Variants in LRMDA observed in about 807,000 individuals in gnomAD.
The protein encoded by LRMDA is leucine-rich melanocyte differentiation-associated protein.
A neutral mutation model predicts 29.8 loss-of-function variants in LRMDA; 18 were observed. That is an observed-to-expected ratio of 0.60 (90% CI 0.42 to 0.90). The LOEUF is 0.90. Among genes scored for constraint, LRMDA ranks in the 40% least tolerant of loss-of-function variants. The probability of loss-of-function intolerance (pLI) is 0.00; values close to 1 mark genes in which losing one functional copy is unlikely to be tolerated. For missense variants in LRMDA, 273 were observed against 273.9 expected, an observed-to-expected ratio of 1.00 and a Z score of 0.02; for synonymous variants, 125 against 109.4, an observed-to-expected ratio of 1.14 and a Z score of -0.89.
chr10:76,106,185 A>C (rs61331902), intron 5 of LRMDA, among the ~76,000 whole-genome samples: 8,695 of 152,274 alleles, frequency 0.057, 654 homozygotes, highest in African/African-American at 0.16. Flanking sequence ...CCTCCATTTG[A>C]AATAATTCTT....
intron 2 of LRMDA, among the ~76,000 whole-genome samples, chr10:75,500,117 T>C (rs780363625): frequency 6.6e-6 from 1 of 152,146 alleles, no homozygotes; most frequent in Non-Finnish European, 1.5e-5. Flanking sequence ...AGCCCCACAC[T>C]GAGCTGCTTC....
At chr10:76,169,821 C>T (rs1022226193) in intron 5 of LRMDA, among the ~76,000 whole-genome samples, 12 of 152,194 alleles carry the variant, frequency 7.9e-5, no homozygotes, top group African/African-American at 2.7e-4. Context: ...TAGACTCCAA[C>T]ACATTGGGTG....
At chr10:75,745,842 G>T (rs192342877) in intron 2 of LRMDA, among the ~76,000 whole-genome samples, 160 of 152,296 alleles carry the variant, frequency 1.1e-3, no homozygotes, top group African/African-American at 3.4e-3. Flanking sequence ...GACCTTGACA[G>T]TCAAAACACT....
intron 5 of LRMDA, among the ~76,000 whole-genome samples, chr10:76,278,126 G>T (rs946546786): frequency 6.6e-6 from 1 of 152,178 alleles, no homozygotes; most frequent in African/African-American, 2.4e-5. Context: ...GGATTTTGCA[G>T]ATTCCCTGTA....
At chr10:76,425,575 T>A (rs972390461) in intron 6 of LRMDA, among the ~76,000 whole-genome samples, 15 of 151,176 alleles carry the variant, frequency 9.9e-5, no homozygotes, top group African/African-American at 2.9e-4. Context: ...TAATAATAAT[T>A]ATTATTTTAT....
At chr10:75,636,739 T>C (rs1378251398) in intron 2 of LRMDA, among the ~76,000 whole-genome samples, 1 of 152,230 alleles carries the variant, frequency 6.6e-6, no homozygotes, top group Non-Finnish European at 1.5e-5. Flanking sequence ...ATGAACAGCC[T>C]TCATTCCACC....
intron 2 of LRMDA, among the ~76,000 whole-genome samples, chr10:75,722,921 C>T (rs905011031): frequency 6.6e-6 from 1 of 152,134 alleles, no homozygotes; most frequent in Non-Finnish European, 1.5e-5. Flanking sequence ...CAACTTTGGT[C>T]ATATAAATAC....
intron 2 of LRMDA, among the ~76,000 whole-genome samples, chr10:75,697,585 A>G (rs1039372750): frequency 2.6e-5 from 4 of 150,980 alleles, no homozygotes; most frequent in African/African-American, 9.8e-5. Context: ...GGATTTTGGC[A>G]TTTGATTCTT....
At chr10:75,808,154 C>T (rs1843891039) in intron 2 of LRMDA, among the ~76,000 whole-genome samples, 2 of 152,096 alleles carry the variant, frequency 1.3e-5, no homozygotes, top group Admixed American at 6.5e-5. Flanking sequence ...GTGGGAGAGC[C>T]GCAGATGAGA....
At chr10:76,103,111 C>T (rs1347474266) in intron 5 of LRMDA, among the ~76,000 whole-genome samples, 1 of 152,288 alleles carries the variant, frequency 6.6e-6, no homozygotes, top group Admixed American at 6.5e-5. Flanking sequence ...TCCCAGAGGG[C>T]CCTAACTTTT....
chr10:75,897,044 ATC>A (rs1845595721), intron 2 of LRMDA, among the ~76,000 whole-genome samples: 1 of 152,134 alleles, frequency 6.6e-6, no homozygotes, highest in East Asian at 1.9e-4. Context: ...CTGGTTATAA[ATC>A]TCTGAAATTA....
rs1852505348 is a variant in LRMDA at position 76,252,580 on chromosome 10, T to C, written c.517-71821T>C. Among the ~76,000 whole-genome samples the C allele has an allele frequency of 1.3e-5, 2 of 152,218 alleles. 1 individual carries two copies. The highest frequency in any genetic ancestry group is 4.1e-4 in the South Asian group (2 of 4,836). ...GCAAGTGAAATAAGACATAGTTCTT[T>C]TGGACTTGGTCAGAGGCCAGGTTTT... On this transcript the variant is annotated intron_variant, in intron 5 of 6. Transcript: ENST00000611255.
At chr10:75,474,573 G>A (rs1196587228) in intron 2 of LRMDA, among the ~76,000 whole-genome samples, 2 of 152,220 alleles carry the variant, frequency 1.3e-5, no homozygotes, top group Admixed American at 1.3e-4. Flanking sequence ...CAGGGAAGGT[G>A]GGACGCAAAC....
At chr10:76,237,785 CTT>C (rs33976322) in intron 5 of LRMDA, among the ~76,000 whole-genome samples, 6 of 84,110 alleles carry the variant, frequency 7.1e-5, no homozygotes, top group Admixed American at 1.5e-4. Context: ...GACAAGAGTG[CTT>C]TTTTTTTTTT....
At chr10:75,576,087 C>T (rs1470131546) in intron 2 of LRMDA, among the ~76,000 whole-genome samples, 1 of 152,126 alleles carries the variant, frequency 6.6e-6, no homozygotes, top group Non-Finnish European at 1.5e-5. Flanking sequence ...GGTCCCACCC[C>T]CATGAAAGCC....
At chr10:76,038,515 A>G (rs1449381146) in intron 3 of LRMDA, among the ~76,000 whole-genome samples, 1 of 152,238 alleles carries the variant, frequency 6.6e-6, no homozygotes, top group East Asian at 1.9e-4. Context: ...AATATTCTGA[A>G]TAGACTTCTT....
At chr10:75,961,042 T>G (rs945582354) in intron 2 of LRMDA, among the ~76,000 whole-genome samples, 1 of 152,188 alleles carries the variant, frequency 6.6e-6, no homozygotes, top group African/African-American at 2.4e-5. Context: ...AGAGGATACC[T>G]GATGGGAAGG....
chr10:76,479,470 G>A (rs562502473), intron 6 of LRMDA, among the ~76,000 whole-genome samples: 1 of 151,742 alleles, frequency 6.6e-6, no homozygotes, highest in Non-Finnish European at 1.5e-5. Flanking sequence ...TTTTCATTTT[G>A]GGGGGTCCTA....
intron 2 of LRMDA, among the ~76,000 whole-genome samples, chr10:75,843,846 G>T (rs1326167350): frequency 6.6e-6 from 1 of 152,170 alleles, no homozygotes; most frequent in Non-Finnish European, 1.5e-5. Context: ...AGGAGATGTT[G>T]TAAGGTCATC....
Sources: gnomAD v4.1 joint callset for allele counts (sites outside exome capture counted in the v4.1 genomes callset) on GRCh38, gnomAD v4.1.1 for gene constraint, MANE v1.5 for transcripts, NCBI Gene and HGNC (gene_info 2026-07-23, HGNC 2026-07-21) for gene names.